DIP2C: variants seen among roughly 807,000 people sequenced by gnomAD.
DIP2C encodes DIP2 acetate--CoA ligase C (putative).
DIP2C carries 33 observed loss-of-function variants against 192.4 expected under a neutral mutation model. The observed-to-expected ratio is 0.17, with a 90% CI of 0.13 to 0.23. The LOEUF (loss-of-function observed/expected upper bound fraction) is 0.23. Among genes scored for constraint, DIP2C ranks in the 10% least tolerant of loss-of-function variants. DIP2C has a pLI of 1.00. For synonymous variants in DIP2C, 979 were observed against 864.1 expected (o/e 1.13, Z -2.33); for missense variants, 1,537 against 2,110.1 (o/e 0.73, Z 5.32).
chr10:601,805 G>A (rs1302215036), intron 1 of DIP2C, among the ~76,000 whole-genome samples: 2 of 152,226 alleles, frequency 1.3e-5, no homozygotes, highest in African/African-American at 4.8e-5. Context: ...GGACGCAGGC[G>A]ATGGGGTGGC....
chr10:661,518 C>T (rs1856760336), intron 1 of DIP2C, among the ~76,000 whole-genome samples: 1 of 152,230 alleles, frequency 6.6e-6, no homozygotes, highest in South Asian at 2.1e-4. Flanking sequence ...TCGCTGCCTC[C>T]AGCTGGAGTC....
chr10:603,498 T>C (rs1460753640), intron 1 of DIP2C, among the ~76,000 whole-genome samples: 1 of 152,118 alleles, frequency 6.6e-6, no homozygotes, highest in Non-Finnish European at 1.5e-5. Flanking sequence ...CCAGGAGCTC[T>C]GAACAAGTAT....
chr10:604,272 G>A (rs772588111), intron 1 of DIP2C, among the ~76,000 whole-genome samples: 1 of 152,024 alleles, frequency 6.6e-6, no homozygotes, highest in East Asian at 1.9e-4. Context: ...CGTAAAAATT[G>A]GCATTGTTTT....
At chr10:366,693 T>C (rs1371914987) in intron 18 of DIP2C, among the ~76,000 whole-genome samples, 3 of 152,186 alleles carry the variant, frequency 2.0e-5, no homozygotes, top group African/African-American at 7.2e-5. Flanking sequence ...TCATCTGCCA[T>C]TTAGATATGG....
chr10:449,451 C>T (rs1968649014), intron 3 of DIP2C, among the ~76,000 whole-genome samples: 1 of 151,902 alleles, frequency 6.6e-6, no homozygotes, highest in Non-Finnish European at 1.5e-5. Context: ...CTGCTTGTGG[C>T]CAAAGTCACG....
At chr10:530,527 C>T (rs1251502873) in intron 1 of DIP2C, among the ~76,000 whole-genome samples, 1 of 151,774 alleles carries the variant, frequency 6.6e-6, no homozygotes, top group Non-Finnish European at 1.5e-5. Context: ...CTTTTAAAAA[C>T]ATGGCTGTAG....
chr10:662,485 C>T (rs1390882376), intron 1 of DIP2C, among the ~76,000 whole-genome samples: 2 of 152,206 alleles, frequency 1.3e-5, no homozygotes, highest in Non-Finnish European at 2.9e-5. Flanking sequence ...CTGGGCCCCG[C>T]GAGCTGAACG....
chr10:300,134 T>G (rs1014654273), intron 32 of DIP2C, among the ~76,000 whole-genome samples: 3 of 152,156 alleles, frequency 2.0e-5, no homozygotes, highest in African/African-American at 7.2e-5. Context: ...AGAACTAATG[T>G]ATGGTTCAGC....
chr10:640,419 G>A (rs1855105602), intron 1 of DIP2C, among the ~76,000 whole-genome samples: 1 of 152,240 alleles, frequency 6.6e-6, no homozygotes, highest in African/African-American at 2.4e-5. Flanking sequence ...TGGGTCGCCA[G>A]AGCTGGGGAA....
chr10:422,180 T>TCA (rs1966236132), intron 5 of DIP2C, among the ~76,000 whole-genome samples: 2 of 152,202 alleles, frequency 1.3e-5, no homozygotes, highest in Non-Finnish European at 2.9e-5. Context: ...AAAACCCTAT[T>TCA]CAACCCAAGT....
At chr10:637,096 T>C (rs1854882419) in intron 1 of DIP2C, among the ~76,000 whole-genome samples, 1 of 152,224 alleles carries the variant, frequency 6.6e-6, no homozygotes, top group South Asian at 2.1e-4. Context: ...AACGTCTGAT[T>C]CCACACGGTC....
chr10:617,654 CA>C (rs1298845709), intron 1 of DIP2C, among the ~76,000 whole-genome samples: 4 of 137,750 alleles, frequency 2.9e-5, no homozygotes, highest in Middle Eastern at 3.5e-3. Context: ...CTGTGGATAC[CA>C]CCCCCCCACC....
intron 1 of DIP2C, among the ~76,000 whole-genome samples, chr10:489,291 G>C (rs911975066): frequency 1.3e-5 from 2 of 152,198 alleles, no homozygotes; most frequent in African/African-American, 4.8e-5. Flanking sequence ...AAACCTTCTA[G>C]CAGCACTTTT....
intron 10 of DIP2C, among the ~76,000 whole-genome samples, chr10:391,092 G>A (rs1278888052): frequency 6.6e-6 from 1 of 152,220 alleles, no homozygotes; most frequent in African/African-American, 2.4e-5. Context: ...CAGGTTTGTT[G>A]AGGGATAAAT....
chr10:657,900 G>A (rs1273033866), intron 1 of DIP2C, among the ~76,000 whole-genome samples: 345 of 138,896 alleles, frequency 2.5e-3, no homozygotes, highest in African/African-American at 8.2e-3. Flanking sequence ...TGGACCTGCC[G>A]CTGGACCTGC....
chr10:385,882 C>CT (rs1226147844), intron 14 of DIP2C, among the ~76,000 whole-genome samples: 1 of 152,160 alleles, frequency 6.6e-6, no homozygotes, highest in Non-Finnish European at 1.5e-5. Context: ...TGTGCCTTCA[C>CT]TCCCCAGAGC....
intron 1 of DIP2C, among the ~76,000 whole-genome samples, chr10:555,270 T>C (rs1588451882): frequency 6.6e-6 from 1 of 152,226 alleles, no homozygotes; most frequent in East Asian, 1.9e-4. Context: ...CTGGGCTCTT[T>C]GCTGTTTTAT....
At chr10:458,005 G>A (rs773956403) in intron 3 of DIP2C, among the ~76,000 whole-genome samples, 2 of 152,198 alleles carry the variant, frequency 1.3e-5, no homozygotes, top group South Asian at 2.1e-4. Context: ...TCCAGCATGA[G>A]AGCCGCCCAG....
intron 32 of DIP2C, among the ~76,000 whole-genome samples, chr10:299,053 T>G (rs1783099142): frequency 6.6e-6 from 1 of 152,262 alleles, no homozygotes; most frequent in Non-Finnish European, 1.5e-5. Flanking sequence ...ATGAAAACAG[T>G]ATAAAGAACA....
Sources: allele counts gnomAD v4.1 joint callset (sites outside exome capture counted in the v4.1 genomes callset), GRCh38; gene constraint gnomAD v4.1.1; transcripts MANE v1.5; gene names NCBI Gene and HGNC (gene_info 2026-07-23, HGNC 2026-07-21).